The following LGSN variants were observed in gnomAD, a reference collection of about 807,000 sequenced individuals.
The protein encoded by LGSN is lengsin, lens protein with glutamine synthetase domain, also known as lengsin.
In LGSN, 21 loss-of-function variants were observed where a neutral mutation model predicts 19.5. The observed-to-expected ratio is 1.07, with a 90% CI of 0.76 to 1.55. The LOEUF is 1.55. Ranked by LOEUF, LGSN falls within the 40% of genes most tolerant of loss-of-function variation. The pLI, the probability that LGSN is intolerant of heterozygous loss-of-function variation, is 0.00. For missense variants in LGSN, 673 were observed against 608.5 expected (o/e 1.11, Z -1.12); for synonymous variants, 257 against 215.6 (o/e 1.19, Z -1.68).
intron 1 of LGSN, among the ~76,000 whole-genome samples, chr6:63,314,548 C>T (rs1768767789): frequency 6.6e-6 from 1 of 152,198 alleles, no homozygotes; most frequent in Non-Finnish European, 1.5e-5. Flanking sequence ...GTTAACATTT[C>T]ATGAGTGCCT....
upstream of LGSN, chr6:63,319,999 C>G: frequency 1.5e-6 from 2 of 1,295,670 alleles, no homozygotes; most frequent in Non-Finnish European, 1.1e-6. Flanking sequence ...CAAATGCATT[C>G]AACATGTATT....
chr6:63,410,882 A>G, the LGSN span, among the ~76,000 whole-genome samples: 1 of 152,160 alleles, frequency 6.6e-6, no homozygotes, highest in African/African-American at 2.4e-5. Flanking sequence ...CATGCTCCAA[A>G]CATACCACTT....
At chr6:63,454,791 T>C in the LGSN span, among the ~76,000 whole-genome samples, 2 of 88,820 alleles carry the variant, frequency 2.3e-5, no homozygotes, top group Non-Finnish European at 4.2e-5. Context: ...TTTTTTCTTT[T>C]TCTTTTTTTT....
Position 63,280,281 on chromosome 6 carries a change from C to T in LGSN, c.1270G>A (p.Val424Ile). The change falls in exon 4 of 4, where the codon GTT becomes ATT. Residue 424 changes from valine to isoleucine, a missense_variant. Physicochemically the swap from Val to Ile is conservative, Grantham distance 29 (BLOSUM62 3). Transcript: ENST00000370657. ...TGAAGTCCATCTAAGCCGGCAGCAACAGTTGCAGCCAGCACCAAGTAAGGG... is the reference window on the plus strand; with the variant it reads ...TGAAGTCCATCTAAGCCGGCAGCAATAGTTGCAGCCAGCACCAAGTAAGGG... ...ANPYLVLAAT[V>I]AAGLDGLHSS... The T allele has an allele frequency of 6.2e-7, 1 of 1,614,250 alleles. No individual in the cohort carries two copies. The highest frequency in any genetic ancestry group is 8.5e-7 in the Non-Finnish European group (1 of 1,180,048).
chr6:63,413,756 C>T, the LGSN span, among the ~76,000 whole-genome samples: 1 of 152,112 alleles, frequency 6.6e-6, no homozygotes, highest in Non-Finnish European at 1.5e-5. Context: ...ATTATTTCTA[C>T]ATTAATGTCA....
At chr6:63,360,860 A>G in the LGSN span, among the ~76,000 whole-genome samples, 19,857 of 152,012 alleles carry the variant, frequency 0.13, 2,861 homozygotes, top group African/African-American at 0.36. Flanking sequence ...CTGTTTGTTA[A>G]TTTTCCTTCT....
chr6:63,533,364 A>G, the LGSN span, among the ~76,000 whole-genome samples: 1 of 152,228 alleles, frequency 6.6e-6, no homozygotes, highest in Non-Finnish European at 1.5e-5. Context: ...CCTGGGCCAC[A>G]GAGCAAGACT....
chr6:63,432,156 A>C, the LGSN span, among the ~76,000 whole-genome samples: 1 of 115,356 alleles, frequency 8.7e-6, no homozygotes, highest in African/African-American at 3.7e-5. Context: ...AAAGAAAGAA[A>C]GAAAGAAAGA....
chr6:63,306,458 A>G (rs1325266727), intron 1 of LGSN, among the ~76,000 whole-genome samples: 7 of 152,220 alleles, frequency 4.6e-5, no homozygotes, highest in Admixed American at 3.9e-4. Flanking sequence ...TAAAAGCAAA[A>G]CCCATCTTAA....
At chr6:63,438,965 C>T in the LGSN span, among the ~76,000 whole-genome samples, 1 of 152,114 alleles carries the variant, frequency 6.6e-6, no homozygotes, top group Non-Finnish European at 1.5e-5. Context: ...AAATGTCCAA[C>T]AATGATAGAC....
At chr6:63,390,636 C>A in the LGSN span, among the ~76,000 whole-genome samples, 1 of 151,172 alleles carries the variant, frequency 6.6e-6, no homozygotes, top group Non-Finnish European at 1.5e-5. Flanking sequence ...GCGGGCGGAT[C>A]ACGAGGTCAG....
upstream of LGSN, among the ~76,000 whole-genome samples, chr6:63,322,522 G>T (rs903248736): frequency 6.6e-6 from 1 of 152,080 alleles, no homozygotes; most frequent in African/African-American, 2.4e-5. Flanking sequence ...AAGCTGCATG[G>T]GTTTGTTCCT....
the LGSN span, chr6:63,572,454 A>T: frequency 2.6e-6 from 1 of 380,196 alleles, no homozygotes; most frequent in East Asian, 3.8e-5. Flanking sequence ...GCCGGCTATA[A>T]AGGGGAGGGC....
chr6:63,364,879 T>C, the LGSN span, among the ~76,000 whole-genome samples: 1 of 152,184 alleles, frequency 6.6e-6, no homozygotes, highest in Admixed American at 6.5e-5. Flanking sequence ...AGATGTTCTT[T>C]GAACCAATGA....
chr6:63,278,664 C>T lies in LGSN; in HGVS notation c.*1357G>A, dbSNP rs1465421771. 1.3e-5 allele frequency: 2 copies of T among 150,190 alleles called. No individual in the cohort carries two copies. Among genetic ancestry groups the T allele is most frequent in the Non-Finnish European group, 2.9e-5 (2 of 67,812 alleles). The allele number at this position is 150,190 out of a possible 1,614,324, so 9.3% of individuals were successfully genotyped here. On this transcript the variant is annotated 3_prime_UTR_variant, in exon 4 of 4. Coordinates refer to ENST00000370657, the MANE Select transcript of LGSN (RefSeq NM_016571.3). ...CAGGGGTCTCACTATGTGGTCCAGG[C>T]TGGACTCAAACTCCTGGCCTCAAGC...
the LGSN span, among the ~76,000 whole-genome samples, chr6:63,461,333 T>C: frequency 1.3e-5 from 2 of 152,324 alleles, no homozygotes; most frequent in Admixed American, 1.3e-4. Context: ...ATTACAGGCA[T>C]AAGCCATCAT....
At chr6:63,492,700 G>A in the LGSN span, among the ~76,000 whole-genome samples, 1 of 152,194 alleles carries the variant, frequency 6.6e-6, no homozygotes, top group Non-Finnish European at 1.5e-5. Context: ...TCCAGGCACA[G>A]AACAGCATGT....
chr6:63,474,557 C>A, the LGSN span, among the ~76,000 whole-genome samples: 1 of 126,216 alleles, frequency 7.9e-6, no homozygotes, highest in Non-Finnish European at 1.7e-5. Flanking sequence ...TGCAGTGAGA[C>A]AAGATCACAC....
the LGSN span, among the ~76,000 whole-genome samples, chr6:63,343,487 C>A: frequency 1.3e-5 from 2 of 152,200 alleles, no homozygotes; most frequent in Non-Finnish European, 2.9e-5. Flanking sequence ...TTAGTTGCTT[C>A]CCTGTCACTC....
Sources: allele counts gnomAD v4.1 joint callset (sites outside exome capture counted in the v4.1 genomes callset), GRCh38; gene constraint gnomAD v4.1.1; transcripts MANE v1.5; gene names NCBI Gene and HGNC (gene_info 2026-07-23, HGNC 2026-07-21).